The following PBX1 variants were observed in gnomAD, a reference collection of about 807,000 sequenced individuals.
The protein encoded by PBX1 is pre-B-cell leukemia transcription factor 1.
In PBX1, 6 loss-of-function variants were observed where a neutral mutation model predicts 53.4. The ratio of observed to expected loss-of-function variants is 0.11; its 90% CI spans 0.06 to 0.22. The LOEUF (loss-of-function observed/expected upper bound fraction) is 0.22, where lower values mean the gene tolerates loss of function less well. Among genes scored for constraint, PBX1 ranks in the 10% least tolerant of loss-of-function variants. The probability of loss-of-function intolerance (pLI) is 1.00; values close to 1 mark genes in which losing one functional copy is unlikely to be tolerated. For missense variants in PBX1, 251 were observed against 551.4 expected (o/e 0.46, Z 5.46); for synonymous variants, 204 against 212.3 (o/e 0.96, Z 0.34).
rs189320222 is a variant in PBX1 at position 164,800,235 on chromosome 1, C to A, written c.701+346C>A. Among the ~76,000 whole-genome samples the A allele has an allele frequency of 1.9e-3, 283 of 152,280 alleles. 1 individual carries two copies. Among genetic ancestry groups the A allele is most frequent in the African/African-American group, 4.7e-3 (195 of 41,548 alleles). ...CAGCTGTCTTACTAGCATTCTATCACGACAGGCTCTCTTCAATAAAGTTTA... is the reference window on the plus strand; with the variant it reads ...CAGCTGTCTTACTAGCATTCTATCAAGACAGGCTCTCTTCAATAAAGTTTA... On this transcript the variant is annotated intron_variant, in intron 4 of 8. Transcript: ENST00000420696.
In PBX1 at chr1:164,573,484, CTTTTTTTTTT is replaced by C. The variant is rs747696401; in HGVS notation, c.265+10188_265+10197del. ...TGTGTATTTTACATTTACAGCACAT[CTTTTTTTTTT>C]TTTTTTTTTTTTTTAAAGACAGTGT... On this transcript the variant is annotated intron_variant, in intron 2 of 8. Transcript: ENST00000420696. 1.2e-4 allele frequency among the ~76,000 whole-genome samples: 13 copies of C among 104,630 alleles called. No individual in the cohort carries two copies. The South Asian group carries it at 3.5e-3, about 28-fold the overall frequency. The allele number at this position is 104,630 out of a possible 152,430, so 68.6% of individuals were successfully genotyped here. A position where few individuals can be genotyped will look rare whatever the true frequency, so the allele number is the denominator to read the frequency against.
At chr1:164,815,728 C>CA (rs1327440556) in intron 6 of PBX1, 1 of 152,146 alleles carries the variant, frequency 6.6e-6, no homozygotes, top group Non-Finnish European at 1.5e-5. Context: ...AGAACTCACT[C>CA]ACTATCACAA....
At chr1:164,804,395 G>A (rs939846405) in intron 4 of PBX1, among the ~76,000 whole-genome samples, 3 of 152,166 alleles carry the variant, frequency 2.0e-5, no homozygotes, top group African/African-American at 7.2e-5. Flanking sequence ...CATTGATCTA[G>A]TGTTGCTCTG....
At chr1:164,807,940 A>G (rs1481428030) in intron 5 of PBX1, among the ~76,000 whole-genome samples, 1 of 152,240 alleles carries the variant, frequency 6.6e-6, no homozygotes, top group African/African-American at 2.4e-5. Flanking sequence ...GGTTCTTCCC[A>G]TCGAGCACTC....
chr1:164,647,238 A>G (rs1659510648), intron 2 of PBX1, among the ~76,000 whole-genome samples: 1 of 152,190 alleles, frequency 6.6e-6, no homozygotes, highest in African/African-American at 2.4e-5. Context: ...GAACTCTTCA[A>G]ACTGATAGCA....
At chr1:164,792,455 G>A (rs377380016) in intron 2 of PBX1, 39 bp from the exon 3 acceptor site, 2 of 1,609,752 alleles carry the variant, frequency 1.2e-6, no homozygotes, top group Non-Finnish European at 1.7e-6. Context: ...TTCTTTCTTG[G>A]GTTACTATTA....
intron 2 of PBX1, among the ~76,000 whole-genome samples, chr1:164,868,864 ATT>A (rs915044277): frequency 6.6e-6 from 1 of 152,124 alleles, no homozygotes; most frequent in Non-Finnish European, 1.5e-5. Flanking sequence ...ATGGCGAGAC[ATT>A]TCACATCTAG....
chr1:164,640,196 G>C lies in PBX1; in HGVS notation c.265+76885G>C, dbSNP rs141188389. On this transcript the variant is annotated intron_variant, in intron 2 of 8. Transcript: ENST00000420696. ...TGTGCTAGGTGGGTCAGTAGGGTTG[G>C]AAGAGGGCCCTTGCATCTTTTTTGC... 2.0e-3 allele frequency among the ~76,000 whole-genome samples: 307 copies of C among 152,280 alleles called. 2 individuals carry two copies. Among genetic ancestry groups the C allele is most frequent in the African/African-American group, 7.2e-3 (299 of 41,544 alleles).
intron 4 of PBX1, among the ~76,000 whole-genome samples, chr1:164,801,838 C>A (rs1241512075): frequency 3.9e-5 from 6 of 152,196 alleles, no homozygotes; most frequent in African/African-American, 1.2e-4. Context: ...AAGAACATGA[C>A]CCCAAATTCC....
intron 2 of PBX1, among the ~76,000 whole-genome samples, chr1:164,734,588 G>A (rs958563137): frequency 1.9e-4 from 29 of 152,134 alleles, no homozygotes; most frequent in Admixed American, 1.9e-3. Flanking sequence ...CCTGCTGTAT[G>A]TCACACATAG....
chr1:164,801,777 A>G (rs1318467585), intron 4 of PBX1, among the ~76,000 whole-genome samples: 2 of 152,186 alleles, frequency 1.3e-5, no homozygotes, highest in South Asian at 2.1e-4. Flanking sequence ...CAACTAACCT[A>G]TTGTCATCGT....
At chr1:164,807,409 C>T (rs1669412237) in intron 4 of PBX1, 133 bp from the exon 5 acceptor site, 3 of 1,114,150 alleles carry the variant, frequency 2.7e-6, no homozygotes, top group Admixed American at 2.6e-5. Context: ...CATCCAGCCC[C>T]TTTTGGTAAA....
At chr1:164,871,907 C>G (rs1345916605) in intron 2 of PBX1, among the ~76,000 whole-genome samples, 3 of 138,666 alleles carry the variant, frequency 2.2e-5, no homozygotes, top group Admixed American at 7.4e-5. Flanking sequence ...AAGAACACAC[C>G]GAACTCAAAG....
intron 2 of PBX1, among the ~76,000 whole-genome samples, chr1:164,758,312 T>G (rs1423803123): frequency 6.6e-6 from 1 of 152,198 alleles, no homozygotes; most frequent in Non-Finnish European, 1.5e-5. Flanking sequence ...AATATATCAG[T>G]GCATGGTGTC....
intron 3 of PBX1, among the ~76,000 whole-genome samples, chr1:164,795,748 A>T (rs1229912964): frequency 6.6e-6 from 1 of 152,146 alleles, no homozygotes; most frequent in Non-Finnish European, 1.5e-5. Context: ...TTTTCCTGTA[A>T]CAGTTCCTTA....
chr1:164,782,455 T>TACCACTGGAA (rs1667981184), intron 2 of PBX1, among the ~76,000 whole-genome samples: 1 of 152,206 alleles, frequency 6.6e-6, no homozygotes, highest in South Asian at 2.1e-4. Context: ...TCTCGTCTCC[T>TACCACTGGAA]GTGATCTGTA....
intron 2 of PBX1, among the ~76,000 whole-genome samples, chr1:164,730,090 C>G (rs1353545543): frequency 6.6e-6 from 1 of 152,150 alleles, no homozygotes; most frequent in Non-Finnish European, 1.5e-5. Context: ...TGAAGGCCAC[C>G]ATAAATCACT....
chr1:164,725,788 C>T (rs977979217), intron 2 of PBX1, among the ~76,000 whole-genome samples: 3 of 152,162 alleles, frequency 2.0e-5, no homozygotes, highest in Non-Finnish European at 4.4e-5. Flanking sequence ...ACTGAATCCT[C>T]ACTGTGAGGT....
intron 2 of PBX1, among the ~76,000 whole-genome samples, chr1:164,759,237 T>G (rs1571350308): frequency 1.3e-5 from 2 of 152,146 alleles, no homozygotes; most frequent in South Asian, 4.1e-4. Context: ...GGAAGGTGGG[T>G]GAAGAAACCA....
Sources: allele counts gnomAD v4.1 joint callset (sites outside exome capture counted in the v4.1 genomes callset), GRCh38; gene constraint gnomAD v4.1.1; transcripts MANE v1.5; gene names NCBI Gene and HGNC (gene_info 2026-07-23, HGNC 2026-07-21).